FOXP1: variants seen among roughly 807,000 people sequenced by gnomAD.
FOXP1 encodes the protein forkhead box protein P1.
A neutral mutation model predicts 98.2 loss-of-function variants in FOXP1; 15 were observed. The ratio of observed to expected loss-of-function variants is 0.15; its 90% CI spans 0.10 to 0.24. The LOEUF (loss-of-function observed/expected upper bound fraction) is 0.24, where lower values mean the gene tolerates loss of function less well. Among genes scored for constraint, FOXP1 ranks in the 10% least tolerant of loss-of-function variants. The pLI, the probability that FOXP1 is intolerant of heterozygous loss-of-function variation, is 1.00. For synonymous variants in FOXP1, 371 were observed against 314.5 expected (o/e 1.18, Z -1.90); for missense variants, 633 against 848.5 (o/e 0.75, Z 3.15).
chr3:71,037,240 T>C (rs896030109), intron 11 of FOXP1, among the ~76,000 whole-genome samples: 10 of 152,166 alleles, frequency 6.6e-5, no homozygotes, highest in Non-Finnish European at 1.3e-4. Flanking sequence ...CATAATGTAA[T>C]GTGATATTTC....
chr3:71,037,129 G>A (rs941927583), intron 11 of FOXP1, among the ~76,000 whole-genome samples: 20 of 152,130 alleles, frequency 1.3e-4, no homozygotes, highest in Non-Finnish European at 7.3e-5. Context: ...GTGGTCAGGT[G>A]GATAAAATGA....
intron 3 of FOXP1, among the ~76,000 whole-genome samples, chr3:71,466,783 AG>A (rs938201593): frequency 3.9e-5 from 6 of 152,216 alleles, no homozygotes; most frequent in Non-Finnish European, 8.8e-5. Flanking sequence ...TGCCTAGGGC[AG>A]GGGGTTGCAT....
Position 71,581,566 on chromosome 3 carries a change from G to T in FOXP1, c.-315C>A. On this transcript the variant is annotated 5_prime_UTR_variant, in exon 2 of 21. Transcript: ENST00000649528. ...CGACTTACCCGCGGAGTCCGGGGAG[G>T]GAGTAGGAGCGCCGCCTTCACGCCC... is the stretch of plus-strand genomic sequence containing the variant. The T allele has an allele frequency of 5.1e-6, 5 of 985,458 alleles. No individual in the cohort carries two copies. Among genetic ancestry groups the T allele is most frequent in the Non-Finnish European group, 6.0e-6 (5 of 829,956 alleles). 61.0% of individuals were successfully genotyped at this position (985,458 alleles called of 1,614,324 possible).
At chr3:71,197,727 G>T (rs1369676916) in intron 6 of FOXP1, among the ~76,000 whole-genome samples, 1 of 152,084 alleles carries the variant, frequency 6.6e-6, no homozygotes, top group African/African-American at 2.4e-5. Flanking sequence ...CTGTTATCTC[G>T]CCATCTCCGC....
intron 3 of FOXP1, among the ~76,000 whole-genome samples, chr3:71,423,180 G>C (rs1453617584): frequency 1.3e-5 from 2 of 152,190 alleles, no homozygotes; most frequent in African/African-American, 4.8e-5. Flanking sequence ...GTGAATTTAT[G>C]AATCCACACA....
At chr3:71,409,920 C>T (rs75633513) in intron 3 of FOXP1, among the ~76,000 whole-genome samples, 3 of 152,082 alleles carry the variant, frequency 2.0e-5, no homozygotes, top group African/African-American at 7.2e-5. Context: ...AAGGGTGAGA[C>T]GGGAGGATAA....
chr3:71,259,998 A>C (rs1202525122), intron 5 of FOXP1, among the ~76,000 whole-genome samples: 1 of 152,042 alleles, frequency 6.6e-6, no homozygotes, highest in Non-Finnish European at 1.5e-5. Flanking sequence ...TTTCTTTTCT[A>C]TTTGAGACAG....
intron 3 of FOXP1, among the ~76,000 whole-genome samples, chr3:71,451,354 A>C (rs2086935960): frequency 6.6e-6 from 1 of 152,190 alleles, no homozygotes. Context: ...AGCCCGATGA[A>C]ATGCAACTCA....
rs200060909 is a variant in FOXP1 at position 70,959,244 on chromosome 3, T to A, written c.*3A>T. The A allele has an allele frequency of 6.2e-7, 1 of 1,613,748 alleles. No homozygotes were observed. Among genetic ancestry groups the A allele is most frequent in the African/African-American group, 1.3e-5 (1 of 74,946 alleles). ...CATTCTCGGGGTTGGCCCGCCCCGA[T>A]AGTCACTCCATGTCCTCGTTTACTG... On this transcript the variant is annotated 3_prime_UTR_variant, in exon 21 of 21. Coordinates refer to ENST00000649528, the MANE Select transcript of FOXP1 (RefSeq NM_001349338.3).
intron 7 of FOXP1, among the ~76,000 whole-genome samples, chr3:71,065,190 C>T (rs2052306237): frequency 6.6e-6 from 1 of 151,882 alleles, no homozygotes; most frequent in African/African-American, 2.4e-5. Flanking sequence ...AACCCGGTGA[C>T]CCGCCTCCGG....
intron 4 of FOXP1, among the ~76,000 whole-genome samples, chr3:71,354,159 A>AT (rs2077993577): frequency 6.6e-6 from 1 of 151,534 alleles, no homozygotes; most frequent in South Asian, 2.1e-4. Flanking sequence ...ACAAAAAAAA[A>AT]AAAAAAATAC....
chr3:71,539,924 A>G (rs1396026452), intron 2 of FOXP1, among the ~76,000 whole-genome samples: 1 of 152,232 alleles, frequency 6.6e-6, no homozygotes, highest in Non-Finnish European at 1.5e-5. Flanking sequence ...GAGAGCACAA[A>G]TAGTGTCTGT....
intron 5 of FOXP1, among the ~76,000 whole-genome samples, chr3:71,234,579 G>A (rs1182619903): frequency 6.6e-6 from 1 of 152,232 alleles, no homozygotes; most frequent in African/African-American, 2.4e-5. Flanking sequence ...GAAAATGGGT[G>A]TGCTGTGGGC....
At chr3:71,336,741 C>T (rs1421006810) in intron 4 of FOXP1, among the ~76,000 whole-genome samples, 5 of 152,060 alleles carry the variant, frequency 3.3e-5, no homozygotes, top group Non-Finnish European at 5.9e-5. Flanking sequence ...GATTAATGAC[C>T]GTCAATATCA....
chr3:71,435,207 G>A (rs1327163617), intron 3 of FOXP1, among the ~76,000 whole-genome samples: 5 of 125,648 alleles, frequency 4.0e-5, no homozygotes, highest in African/African-American at 1.3e-4. Context: ...AAGAAGGGAA[G>A]GAAGGGAAGC....
At chr3:71,375,973 G>A (rs937596518) in intron 3 of FOXP1, among the ~76,000 whole-genome samples, 3 of 152,108 alleles carry the variant, frequency 2.0e-5, no homozygotes, top group African/African-American at 7.2e-5. Flanking sequence ...ATGATTTGGG[G>A]TTCTGATGTA....
At chr3:71,406,375 GTTT>G (rs1295288111) in intron 3 of FOXP1, among the ~76,000 whole-genome samples, 7 of 102,646 alleles carry the variant, frequency 6.8e-5, no homozygotes, top group Non-Finnish European at 1.7e-4. Flanking sequence ...TTTTTCTTTT[GTTT>G]TTAATTGACA....
intron 6 of FOXP1, among the ~76,000 whole-genome samples, chr3:71,169,909 T>C (rs1050217428): frequency 6.6e-6 from 1 of 152,142 alleles, no homozygotes; most frequent in Non-Finnish European, 1.5e-5. Flanking sequence ...ACCTCCATCA[T>C]ATTTAGTTAA....
intron 5 of FOXP1, chr3:71,296,458 T>C (rs1206727473): frequency 6.6e-6 from 1 of 152,234 alleles, no homozygotes; most frequent in African/African-American, 2.4e-5. Flanking sequence ...AGATAAGAGA[T>C]CAAGATATAT....
Sources: allele counts gnomAD v4.1 joint callset (sites outside exome capture counted in the v4.1 genomes callset), GRCh38; gene constraint gnomAD v4.1.1; transcripts MANE v1.5; gene names NCBI Gene and HGNC (gene_info 2026-07-23, HGNC 2026-07-21).